SH3GLB1: variants seen among roughly 807,000 people sequenced by gnomAD.
SH3GLB1 encodes endophilin-B1.
A neutral mutation model predicts 42.0 loss-of-function variants in SH3GLB1; 17 were observed. The observed-to-expected ratio is 0.40, with a 90% CI of 0.28 to 0.61. SH3GLB1 has a LOEUF of 0.61. Ranked by LOEUF, SH3GLB1 falls within the 20% of genes least tolerant of loss-of-function variation. The probability of loss-of-function intolerance (pLI) is 0.36; values close to 1 mark genes in which losing one functional copy is unlikely to be tolerated. For synonymous variants in SH3GLB1, 132 were observed against 146.6 expected, an observed-to-expected ratio of 0.90 and a Z score of 0.72; for missense variants, 355 against 426.3, an observed-to-expected ratio of 0.83 and a Z score of 1.47.
chr1:86,730,057 A>G (rs1017972498), intron 5 of SH3GLB1: 2 of 1,571,804 alleles, frequency 1.3e-6, no homozygotes, highest in African/African-American at 2.7e-5. Context: ...TTCATGCTTT[A>G]TATTTTTCTC....
At chr1:86,727,514 A>G (rs1315422142) in intron 5 of SH3GLB1, among the ~76,000 whole-genome samples, 1 of 152,026 alleles carries the variant, frequency 6.6e-6, no homozygotes, top group Non-Finnish European at 1.5e-5. Context: ...AGAAATGCTT[A>G]TTGGAGCTTT....
chr1:86,710,862 T>C (rs1654171201), intron 1 of SH3GLB1, among the ~76,000 whole-genome samples: 1 of 152,194 alleles, frequency 6.6e-6, no homozygotes, highest in African/African-American at 2.4e-5. Context: ...CGATACATAT[T>C]TAAATAGTTA....
intron 5 of SH3GLB1, among the ~76,000 whole-genome samples, chr1:86,732,492 G>T (rs1655562942): frequency 6.6e-6 from 1 of 152,144 alleles, no homozygotes; most frequent in South Asian, 2.1e-4. Context: ...CAGTTATTAT[G>T]ATCAATTATA....
chr1:86,706,719 G>A (rs263436), intron 1 of SH3GLB1, among the ~76,000 whole-genome samples: 50,208 of 152,032 alleles, frequency 0.33, 10,904 homozygotes, highest in African/African-American at 0.63. Context: ...ATTTGACACT[G>A]TATAATGCTA....
intron 1 of SH3GLB1, among the ~76,000 whole-genome samples, chr1:86,707,483 A>T (rs963264568): frequency 1.3e-5 from 2 of 152,180 alleles, no homozygotes; most frequent in African/African-American, 4.8e-5. Context: ...TGAGAGAAAG[A>T]TGAGTTAAGG....
chr1:86,733,363 G>GCCA (rs1312842601), intron 5 of SH3GLB1, among the ~76,000 whole-genome samples: 1 of 152,120 alleles, frequency 6.6e-6, no homozygotes, highest in East Asian at 1.9e-4. Flanking sequence ...GGTAACTATT[G>GCCA]CCACCAAAGG....
chr1:86,736,243 A>C (rs765477505), intron 7 of SH3GLB1, among the ~76,000 whole-genome samples: 3 of 152,184 alleles, frequency 2.0e-5, no homozygotes, highest in Non-Finnish European at 4.4e-5. Context: ...GGAACCATTA[A>C]AGCAGGGGAG....
chr1:86,734,352 G>A, intron 5 of SH3GLB1: 1 of 345,270 alleles, frequency 2.9e-6, no homozygotes, highest in Non-Finnish European at 5.4e-6. Context: ...GCTCTTAAGA[G>A]TGTATCATTA....
At position 86,704,850 on chromosome 1, in the gene SH3GLB1, T is replaced by G. The variant is rs1570397581; in HGVS notation, c.-50T>G. ...TGCGCCCCAGCCCGGCCGCGGCACC[T>G]CCGCCTCGCCGCCGCTAGGTCGGCC... On this transcript the variant is annotated 5_prime_UTR_variant, in exon 1 of 9. Transcript: ENST00000370558. The G allele has an allele frequency of 3.6e-6, 5 of 1,374,910 alleles. No individual in the cohort carries two copies. Among genetic ancestry groups the G allele is most frequent in the Non-Finnish European group, 5.0e-6 (5 of 1,006,446 alleles). 85.2% of individuals were successfully genotyped at this position (1,374,910 alleles called of 1,614,324 possible).
chr1:86,720,304 T>C (rs1654797768), intron 3 of SH3GLB1, among the ~76,000 whole-genome samples: 4 of 152,192 alleles, frequency 2.6e-5, no homozygotes, highest in Admixed American at 2.6e-4. Flanking sequence ...TTATTTTATG[T>C]TAAAGGTACT....
In SH3GLB1 at chr1:86,718,667, T is replaced by C. The variant is rs1277511482; in HGVS notation, c.215-840T>C. Among the ~76,000 whole-genome samples the C allele has an allele frequency of 2.0e-5, 3 of 152,242 alleles. No individual in the cohort carries two copies. The East Asian group carries it at 5.8e-4, about 29-fold the overall frequency. Reference sequence around the variant, plus strand: ...TATTTGACTTAGCTTCAATTTATGCTTAATCGTTGTTTCTGGAAACTTAAG... The same window carrying C: ...TATTTGACTTAGCTTCAATTTATGCCTAATCGTTGTTTCTGGAAACTTAAG... On this transcript the variant is annotated intron_variant, in intron 2 of 8. Transcript: ENST00000370558.
At chr1:86,717,583 G>A (rs571414498) in intron 2 of SH3GLB1, among the ~76,000 whole-genome samples, 4 of 151,850 alleles carry the variant, frequency 2.6e-5, no homozygotes, top group African/African-American at 7.3e-5. Flanking sequence ...CACCATACCC[G>A]GCTAATTTTT....
rs114816116 is a variant in SH3GLB1, at chr1:86,728,471, G to A, written c.570+4066G>A. ...ATTTCTCTTACATGCTCAACTTCCT[G>A]CATGTAAAATGGCTGAAGGTTTGTT... On this transcript the variant is annotated intron_variant, in intron 5 of 8. Transcript: ENST00000370558. The A allele has an allele frequency of 2.1e-3, 3,249 of 1,546,896 alleles. 66 individuals are homozygous for A. The African/African-American group carries it at 0.037, about 18-fold the overall frequency.
rs967000688 is a variant in SH3GLB1, at chr1:86,747,781, A to G, written c.*4546A>G. 1 of 152,230 alleles carries G rather than the reference A, an allele frequency of 6.6e-6. No homozygotes were observed. Among genetic ancestry groups the G allele is most frequent in the Non-Finnish European group, 1.5e-5 (1 of 68,036 alleles). 9.4% of individuals were successfully genotyped at this position (152,230 alleles called of 1,614,324 possible). Reference sequence around the variant, plus strand: ...ATGTGTACATCCCTGTGCCTCTTAGATTGCTAAGTTCTGCTCTCATTCTTA... The same window carrying G: ...ATGTGTACATCCCTGTGCCTCTTAGGTTGCTAAGTTCTGCTCTCATTCTTA... On this transcript the variant is annotated 3_prime_UTR_variant, in exon 9 of 9. Transcript: ENST00000370558.
intron 2 of SH3GLB1, among the ~76,000 whole-genome samples, chr1:86,717,439 A>G (rs1279596002): frequency 6.7e-6 from 1 of 149,342 alleles, no homozygotes; most frequent in East Asian, 1.9e-4. Flanking sequence ...GTTTTGTTTG[A>G]GACAGAGTCT....
chr1:86,745,799 A>G lies in SH3GLB1; in HGVS notation c.*2564A>G, dbSNP rs1480650801. Reference sequence around the variant, plus strand: ...CCTGAAGTTTCTTGGGCGTGGAAGAAAAAGCTTGGGAAGCCTATTAATTCA... The same window carrying G: ...CCTGAAGTTTCTTGGGCGTGGAAGAGAAAGCTTGGGAAGCCTATTAATTCA... On this transcript the variant is annotated 3_prime_UTR_variant, in exon 9 of 9. Transcript: ENST00000370558. 1 of 152,410 alleles carries G rather than the reference A, an allele frequency of 6.6e-6. No homozygotes were observed. Among genetic ancestry groups the G allele is most frequent in the African/African-American group, 2.4e-5 (1 of 41,452 alleles). 9.4% of individuals were successfully genotyped at this position (152,410 alleles called of 1,614,324 possible).
chr1:86,731,418 A>G (rs770738037), intron 5 of SH3GLB1, among the ~76,000 whole-genome samples: 14 of 152,212 alleles, frequency 9.2e-5, no homozygotes, highest in African/African-American at 1.4e-4. Context: ...GATCTCCAGT[A>G]TGAAATTCTT....
chr1:86,704,929 G>A lies in SH3GLB1; in HGVS notation c.30G>A (p.Lys10=). The change falls in exon 1 of 9, where the codon AAG becomes AAA. Residue 10 remains lysine, a synonymous_variant. Transcript: ENST00000370558. The part of the protein sequence containing the change: MNIMDFNVK[K]LAADAGTFLS... Reference sequence around the variant, plus strand: ...ATATCATGGACTTCAACGTGAAGAAGCTGGCGGCCGACGCAGGCACCTTCC... The same window carrying A: ...ATATCATGGACTTCAACGTGAAGAAACTGGCGGCCGACGCAGGCACCTTCC... 1 of 1,585,892 alleles carries A rather than the reference G, an allele frequency of 6.3e-7. No individual in the cohort carries two copies. Among genetic ancestry groups the A allele is most frequent in the Non-Finnish European group, 8.6e-7 (1 of 1,168,500 alleles).
At chr1:86,714,102 G>T (rs938224180) in intron 1 of SH3GLB1, among the ~76,000 whole-genome samples, 5 of 152,160 alleles carry the variant, frequency 3.3e-5, no homozygotes, top group South Asian at 4.1e-4. Context: ...ATTTTTTTTA[G>T]ATCACTCTTT....
Sources: allele counts gnomAD v4.1 joint callset (sites outside exome capture counted in the v4.1 genomes callset), GRCh38; gene constraint gnomAD v4.1.1; transcripts MANE v1.5; gene names NCBI Gene and HGNC (gene_info 2026-07-23, HGNC 2026-07-21).